Variants in NANOG observed in about 807,000 individuals in gnomAD.
NANOG encodes homeobox protein NANOG.
In NANOG, 2 loss-of-function variants were observed where a neutral mutation model predicts 17.7. That is an observed-to-expected ratio of 0.11 (90% CI 0.05 to 0.36). The LOEUF is 0.36. Ranked by LOEUF, NANOG falls within the 10% of genes least tolerant of loss-of-function variation. NANOG has a pLI of 1.00. For synonymous variants in NANOG, 81 were observed against 124.7 expected (o/e 0.65, Z 2.33); for missense variants, 174 against 362.1 (o/e 0.48, Z 4.22).
rs1341150629 is a variant in NANOG at position 7,792,825 on chromosome 12, G to A, written c.152-125G>A. The A allele has an allele frequency of 6.2e-6, 6 of 968,712 alleles. No homozygotes were observed. In the East Asian group the frequency reaches 1.5e-4, roughly 25 times the overall value. The allele number at this position is 968,712 out of a possible 1,614,324, so 60.0% of individuals were successfully genotyped here. A position where few individuals can be genotyped will look rare whatever the true frequency, so the allele number is the denominator to read the frequency against. On this transcript the variant is annotated intron_variant, in intron 1 of 3. Coordinates refer to ENST00000229307, the MANE Select transcript of NANOG (RefSeq NM_024865.4). ...AAGTGCCAGGGCTGCTTAAGAAATT[G>A]CTTCTTATTACTTAGATCTGGGGTT...
Position 7,789,518 on chromosome 12 carries a change from C to T in NANOG, c.-97C>T. 1.9e-6 allele frequency: 2 copies of T among 1,075,966 alleles called. No individual in the cohort carries two copies. Among genetic ancestry groups the T allele is most frequent in the Non-Finnish European group, 2.8e-6 (2 of 726,816 alleles). The allele number at this position is 1,075,966 out of a possible 1,614,324, so 66.7% of individuals were successfully genotyped here. On this transcript the variant is annotated 5_prime_UTR_variant, in exon 1 of 4. Transcript: ENST00000229307. ...CTTGATACTTTTCCTTCTGGAGGTCCTATTTCTCTAACATCTTCCAGAAAA... is the reference window on the plus strand; with the variant it reads ...CTTGATACTTTTCCTTCTGGAGGTCTTATTTCTCTAACATCTTCCAGAAAA...
At position 7,791,113 on chromosome 12, in the gene NANOG, CTTTTT is replaced by C. The variant is rs57074245; in HGVS notation, c.151+1357_151+1361del. Reference sequence around the variant, plus strand: ...TTATAATTTCTTTCTTTCTTTCTTTCTTTTTTTTTTTTTGAGACAGGGTCTCATTC... The same window carrying C: ...TTATAATTTCTTTCTTTCTTTCTTTCTTTTTTTTGAGACAGGGTCTCATTC... On this transcript the variant is annotated intron_variant, in intron 1 of 3. Coordinates refer to ENST00000229307, the MANE Select transcript of NANOG (RefSeq NM_024865.4). Among the ~76,000 whole-genome samples the C allele has an allele frequency of 2.8e-3, 396 of 140,530 alleles. 3 individuals carry two copies. Among genetic ancestry groups the C allele is most frequent in the African/African-American group, 0.01 (375 of 37,116 alleles). 92.2% of individuals were successfully genotyped at this position (140,530 alleles called of 152,430 possible).
rs1198266647 is a variant in NANOG, at chr12:7,798,198, G to A, written c.*3103G>A. ...TCAAGTTTAGCATGGCCAATATGGC[G>A]AAACCCTGTCTCTACTAAAAATACA... On this transcript the variant is annotated 3_prime_UTR_variant, in exon 4 of 4. Coordinates refer to ENST00000229307, the MANE Select transcript of NANOG (RefSeq NM_024865.4). 1.3e-5 allele frequency: 2 copies of A among 152,078 alleles called. No homozygotes were observed. Among genetic ancestry groups the A allele is most frequent in the African/African-American group, 2.4e-5 (1 of 41,396 alleles). The allele number at this position is 152,078 out of a possible 1,614,324, so 9.4% of individuals were successfully genotyped here. A position where few individuals can be genotyped will look rare whatever the true frequency, so the allele number is the denominator to read the frequency against.
rs751276167 is a variant in NANOG at position 7,794,539 on chromosome 12, C to T, written c.497C>T (p.Thr166Met). The T allele has an allele frequency of 6.9e-5, 112 of 1,613,108 alleles. No individual in the cohort carries two copies. The highest frequency in any genetic ancestry group is 9.2e-5 in the Non-Finnish European group (109 of 1,179,576). ...TGGCCGAAGAATAGCAATGGTGTGA[C>T]GCAGGTAACAGGAAACTTCATTCTG... Reference protein sequence around the residue: ...NNWPKNSNGVTQKASAPTYPS... With the variant: ...NNWPKNSNGVMQKASAPTYPS... The change falls in exon 3 of 4, where the codon ACG (threonine) becomes ATG (methionine). Residue 166 changes from threonine (T) to methionine (M), a missense_variant. By Grantham distance (81) the Thr-to-Met change is moderately conservative. This residue lies in a region of NANOG where 158 missense variants were observed against 244.2 expected (regional missense o/e 0.65). Coordinates refer to ENST00000229307, the MANE Select transcript of NANOG (RefSeq NM_024865.4).
chr12:7,793,801 G>GT lies in NANOG; in HGVS notation c.414+592dup, dbSNP rs148990439. Among the ~76,000 whole-genome samples, 1,083 of 152,100 alleles carry GT rather than the reference G, an allele frequency of 7.1e-3. 54 individuals are homozygous for GT. The East Asian group carries it at 0.12, about 17-fold the overall frequency. On this transcript the variant is annotated intron_variant, in intron 2 of 3. Coordinates refer to ENST00000229307, the MANE Select transcript of NANOG (RefSeq NM_024865.4). ...ATCATAATGACATTAGCATTACTTG[G>GT]TTTAAGTACAAATGGATGAAACCTC... is the stretch of plus-strand genomic sequence containing the variant.
At chr12:7,790,979 AAGTGATCCTCCACCCTC>A (rs1862832790) in intron 1 of NANOG, among the ~76,000 whole-genome samples, 1 of 152,106 alleles carries the variant, frequency 6.6e-6, no homozygotes, top group Non-Finnish European at 1.5e-5. Flanking sequence ...TCCTGACCTC[AAGTGATCCTCCACCCTC>A]AGCTTCCCAA....
Position 7,794,703 on chromosome 12 carries a change from A to G in NANOG, c.526A>G (p.Ser176Gly). 3 of 1,606,182 alleles carry G rather than the reference A, an allele frequency of 1.9e-6. No homozygotes were observed. Among genetic ancestry groups the G allele is most frequent in the Non-Finnish European group, 2.6e-6 (3 of 1,176,084 alleles). Reference sequence around the variant, plus strand: ...GAAGGCCTCAGCACCTACCTACCCCAGCCTTTACTCTTCCTACCACCAGGG... The same window carrying G: ...GAAGGCCTCAGCACCTACCTACCCCGGCCTTTACTCTTCCTACCACCAGGG... The part of the protein sequence containing the change: ...TQKASAPTYP[S>G]LYSSYHQGCL... The change falls in exon 4 of 4, where the codon AGC becomes GGC. Residue 176 changes from serine (S) to glycine (G), a missense_variant. Ser to Gly is a moderately conservative substitution (Grantham distance 56). This residue lies in a region of NANOG where 158 missense variants were observed against 244.2 expected (regional missense o/e 0.65). Coordinates refer to ENST00000229307, the MANE Select transcript of NANOG (RefSeq NM_024865.4).
At chr12:7,791,114 T>TTTC (rs1491156875) in intron 1 of NANOG, among the ~76,000 whole-genome samples, 18 of 37,986 alleles carry the variant, frequency 4.7e-4, no homozygotes, top group East Asian at 0.067. Context: ...TCTTTCTTTC[T>TTTC]TTTTTTTTTT....
At chr12:7,790,171 G>A (rs1371641099) in intron 1 of NANOG, among the ~76,000 whole-genome samples, 2 of 126,736 alleles carry the variant, frequency 1.6e-5, no homozygotes, top group Non-Finnish European at 3.6e-5. Context: ...TAACGTCATA[G>A]CTCAGGGATG....
chr12:7,792,432 C>T (rs11610502), intron 1 of NANOG, among the ~76,000 whole-genome samples: 75,236 of 151,842 alleles, frequency 0.5, 20,158 homozygotes, highest in Non-Finnish European at 0.59. Context: ...TTCGGGAGGC[C>T]GAGGCAGGCG....
Position 7,797,816 on chromosome 12 carries a change from C to CT in NANOG, c.*2722dup, listed in dbSNP as rs1862951396. ...CTATAGGTGCACACCACCATGCCAG[C>CT]TAACTTTTGTGTTTTTAGGAGAGAC... On this transcript the variant is annotated 3_prime_UTR_variant, in exon 4 of 4. Transcript: ENST00000229307. 2 of 152,040 alleles carry CT rather than the reference C, an allele frequency of 1.3e-5. No individual in the cohort carries two copies. The highest frequency in any genetic ancestry group is 4.8e-5 in the African/African-American group (2 of 41,376). 9.4% of individuals were successfully genotyped at this position (152,040 alleles called of 1,614,324 possible).
rs369876781 is a variant in NANOG, at chr12:7,796,146, G to A, written c.*1051G>A. 3 of 152,150 alleles carry A rather than the reference G, an allele frequency of 2.0e-5. No individual in the cohort carries two copies. The highest frequency in any genetic ancestry group is 2.9e-5 in the Non-Finnish European group (2 of 68,032). The allele number at this position is 152,150 out of a possible 1,614,324, so 9.4% of individuals were successfully genotyped here. A position where few individuals can be genotyped will look rare whatever the true frequency, so the allele number is the denominator to read the frequency against. ...TAGAAATGCATAGAAATAGCTGAGC[G>A]TGGTGGCCTATGCCTGTAGTCCCAG... On this transcript the variant is annotated 3_prime_UTR_variant, in exon 4 of 4. Coordinates refer to ENST00000229307, the MANE Select transcript of NANOG (RefSeq NM_024865.4).
At position 7,792,996 on chromosome 12, in the gene NANOG, T is replaced by C. The variant is rs749061291; in HGVS notation, c.198T>C (p.Pro66=). The change falls in exon 2 of 4, where the codon CCT becomes CCC. Residue 66 remains proline (P), a synonymous_variant. Coordinates refer to ENST00000229307, the MANE Select transcript of NANOG (RefSeq NM_024865.4). ...TGGATCTGCTTATTCAGGACAGCCCTGATTCTTCCACCAGTCCCAAAGGCA... is the reference window on the plus strand; with the variant it reads ...TGGATCTGCTTATTCAGGACAGCCCCGATTCTTCCACCAGTCCCAAAGGCA... ...SSMDLLIQDS[P]DSSTSPKGKQ... The C allele has an allele frequency of 1.2e-6, 2 of 1,610,172 alleles. No individual in the cohort carries two copies.
At chr12:7,793,281 T>G in intron 2 of NANOG, 69 bp downstream of exon 2, 1 of 1,450,878 alleles carries the variant, frequency 6.9e-7, no homozygotes, top group Non-Finnish European at 9.6e-7. Flanking sequence ...AAGACCTCTG[T>G]GGATGCATGT....
At chr12:7,793,837 G>T (rs1862877483) in intron 2 of NANOG, among the ~76,000 whole-genome samples, 1 of 152,004 alleles carries the variant, frequency 6.6e-6, no homozygotes, top group Non-Finnish European at 1.5e-5. Context: ...CACCTCCTGG[G>T]TTCAAGGGAT....
At chr12:7,790,956 G>A (rs1435882318) in intron 1 of NANOG, among the ~76,000 whole-genome samples, 5 of 152,058 alleles carry the variant, frequency 3.3e-5, no homozygotes, top group African/African-American at 1.2e-4. Context: ...TGCAGCTCGG[G>A]CTGGTCTTGA....
At chr12:7,793,341 A>C (rs866618030) in intron 2 of NANOG, 129 bp downstream of exon 2, 1 of 784,806 alleles carries the variant, frequency 1.3e-6, no homozygotes, top group Non-Finnish European at 2.0e-6. Flanking sequence ...ATAATTTATG[A>C]AGATGAAATG....
intron 2 of NANOG, 140 bp downstream of exon 2, chr12:7,793,352 C>A: frequency 1.4e-6 from 1 of 723,908 alleles, no homozygotes; most frequent in Non-Finnish European, 2.3e-6. Flanking sequence ...AGATGAAATG[C>A]TTTTGTAACT....
chr12:7,792,982 A>G lies in NANOG; in HGVS notation c.184A>G (p.Ile62Val), dbSNP rs1233329365. Residue 62 changes from isoleucine (I) to valine (V), a missense_variant, in exon 2 of 4, where the codon ATT becomes GTT. By Grantham distance (29) the Ile-to-Val change is conservative. Transcript: ENST00000229307. The stretch of plus-strand genomic sequence containing the variant: ...TCTTCCTTCCTCCATGGATCTGCTT[A>G]TTCAGGACAGCCCTGATTCTTCCAC... The part of the protein sequence containing the change: ...SPLPSSMDLL[I>V]QDSPDSSTSP... The G allele has an allele frequency of 1.2e-6, 2 of 1,609,316 alleles. No homozygotes were observed. The highest frequency in any genetic ancestry group is 1.3e-5 in the African/African-American group (1 of 74,812).
Sources: gnomAD v4.1 joint callset for allele counts (sites outside exome capture counted in the v4.1 genomes callset) on GRCh38, gnomAD v4.1.1 for gene constraint, gnomAD v4.1.1 regional missense constraint, MANE v1.5 for transcripts, NCBI Gene and HGNC (gene_info 2026-07-23, HGNC 2026-07-21) for gene names.